Variants in THSD7B observed in about 807,000 individuals in gnomAD.
THSD7B encodes the protein thrombospondin type 1 domain containing 7B, also known as thrombospondin type-1 domain-containing protein 7B.
In THSD7B, 138 loss-of-function variants were observed where a neutral mutation model predicts 213.6. The ratio of observed to expected loss-of-function variants is 0.65; its 90% CI spans 0.56 to 0.74. The LOEUF (loss-of-function observed/expected upper bound fraction) is 0.74. Ranked by LOEUF, THSD7B falls within the 30% of genes least tolerant of loss-of-function variation. The pLI is 0.00. For synonymous variants in THSD7B, 742 were observed against 687.0 expected (o/e 1.08, Z -1.25); for missense variants, 1,931 against 1,991.5 (o/e 0.97, Z 0.58).
chr2:136,962,403 C>CTTTTTTTTTT (rs71400559), intron 2 of THSD7B, among the ~76,000 whole-genome samples: 10 of 100,158 alleles, frequency 1.0e-4, no homozygotes, highest in Non-Finnish European at 1.5e-4. Flanking sequence ...AATCTGTTAT[C>CTTTTTTTTTT]TTTTTTTTTT....
At chr2:137,553,197 G>T (rs1240607533) in intron 15 of THSD7B, among the ~76,000 whole-genome samples, 3 of 152,132 alleles carry the variant, frequency 2.0e-5, no homozygotes, top group Non-Finnish European at 4.4e-5. Context: ...CAGCATGGAG[G>T]TCTCAAGCTT....
intron 15 of THSD7B, among the ~76,000 whole-genome samples, chr2:137,498,368 TCATGATTTAGA>T (rs1679621908): frequency 6.6e-6 from 1 of 151,676 alleles, no homozygotes; most frequent in Admixed American, 6.6e-5. Context: ...AAGTATATTA[TCATGATTTAGA>T]CAATTGAATT....
chr2:136,909,671 T>C lies in THSD7B; in HGVS notation c.139+27354T>C, dbSNP rs558463533. The stretch of plus-strand genomic sequence containing the variant: ...GTATCTAAAATGTAGTCCAAAACCA[T>C]ATTGGAAATAAGGGGAAAAGTGAAT... On this transcript the variant is annotated intron_variant, in intron 2 of 27. Coordinates refer to ENST00000409968, the MANE Select transcript of THSD7B (RefSeq NM_001316349.2). Among the ~76,000 whole-genome samples the C allele has an allele frequency of 2.0e-5, 3 of 152,264 alleles. No homozygotes were observed. The South Asian group carries it at 6.2e-4, about 32-fold the overall frequency.
rs184720738 is a variant in THSD7B, at chr2:137,169,181, A to C, written c.1526-1560A>C. On this transcript the variant is annotated intron_variant, in intron 6 of 27. Coordinates refer to ENST00000409968, the MANE Select transcript of THSD7B (RefSeq NM_001316349.2). ...GGTTATCTTAGGAAAAAAAAAAAAA[A>C]AACTCAAAGCACTTAAAAATCCTTA... Among the ~76,000 whole-genome samples, 414 of 151,840 alleles carry C rather than the reference A, an allele frequency of 2.7e-3. 10 individuals are homozygous for C. Among genetic ancestry groups the C allele is most frequent in the Admixed American group, 0.022 (337 of 15,250 alleles).
chr2:137,585,280 C>A (rs1346888504), intron 17 of THSD7B, among the ~76,000 whole-genome samples: 2 of 151,472 alleles, frequency 1.3e-5, no homozygotes, highest in Non-Finnish European at 2.9e-5. Context: ...TTGATCTTTT[C>A]AAAAAAACCA....
intron 11 of THSD7B, among the ~76,000 whole-genome samples, chr2:137,273,532 G>A (rs956228175): frequency 6.6e-6 from 1 of 152,014 alleles, no homozygotes; most frequent in Non-Finnish European, 1.5e-5. Context: ...AATGCCTTTA[G>A]CAAAAATGTC....
At chr2:137,523,616 C>A (rs928473701) in intron 15 of THSD7B, among the ~76,000 whole-genome samples, 3 of 152,098 alleles carry the variant, frequency 2.0e-5, no homozygotes, top group African/African-American at 7.2e-5. Flanking sequence ...TGCCCAATAG[C>A]CATTCTTTTT....
At chr2:137,128,450 C>G (rs940355827) in intron 5 of THSD7B, among the ~76,000 whole-genome samples, 1 of 152,122 alleles carries the variant, frequency 6.6e-6, no homozygotes, top group Admixed American at 6.5e-5. Context: ...ATATTACTTT[C>G]TGGGTTCCTC....
rs376719247 is a variant in THSD7B, at chr2:137,006,970, G to A, written c.140-49450G>A. Reference sequence around the variant, plus strand: ...AAAGAGAATTTTTAATGATAAAAGTGTGCATTTTACTGAAATCAGTATTGC... The same window carrying A: ...AAAGAGAATTTTTAATGATAAAAGTATGCATTTTACTGAAATCAGTATTGC... On this transcript the variant is annotated intron_variant, in intron 2 of 27. Transcript: ENST00000409968. 2.6e-5 allele frequency among the ~76,000 whole-genome samples: 4 copies of A among 152,272 alleles called. No homozygotes were observed. In the East Asian group the frequency reaches 7.7e-4, roughly 29 times the overall value.
chr2:136,768,472 A>C (rs893121157), intron 1 of THSD7B, among the ~76,000 whole-genome samples: 1 of 152,234 alleles, frequency 6.6e-6, no homozygotes, highest in Non-Finnish European at 1.5e-5. Context: ...AAGTAATAAC[A>C]TTATGTCAAA....
intron 15 of THSD7B, among the ~76,000 whole-genome samples, chr2:137,476,653 C>T (rs950361755): frequency 1.3e-5 from 2 of 152,122 alleles, no homozygotes; most frequent in Admixed American, 1.3e-4. Flanking sequence ...TCACTGCCAC[C>T]TCCATCTCCT....
At chr2:137,500,736 A>G (rs1181868575) in intron 15 of THSD7B, among the ~76,000 whole-genome samples, 1 of 152,192 alleles carries the variant, frequency 6.6e-6, no homozygotes, top group East Asian at 1.9e-4. Context: ...ACTCATTGCT[A>G]TATTTCATTT....
At chr2:136,896,320 A>G (rs1056006761) in intron 2 of THSD7B, among the ~76,000 whole-genome samples, 4 of 152,130 alleles carry the variant, frequency 2.6e-5, no homozygotes, top group Admixed American at 1.3e-4. Context: ...ATTTCACTAT[A>G]TCTTTGAAAG....
chr2:137,419,623 G>C (rs1364732467), intron 14 of THSD7B, among the ~76,000 whole-genome samples: 1 of 151,706 alleles, frequency 6.6e-6, no homozygotes. Flanking sequence ...CCACTCAAAG[G>C]TGGGCACAAC....
At chr2:136,979,350 T>G (rs958092197) in intron 2 of THSD7B, among the ~76,000 whole-genome samples, 19 of 152,200 alleles carry the variant, frequency 1.2e-4, no homozygotes, top group Admixed American at 1.0e-3. Context: ...TTTGCTAGGT[T>G]TGGGAAGTGC....
chr2:137,288,728 A>G (rs1374663433), intron 12 of THSD7B, among the ~76,000 whole-genome samples: 1 of 152,084 alleles, frequency 6.6e-6, no homozygotes, highest in South Asian at 2.1e-4. Context: ...AAAAATGCAC[A>G]CACAGCACAC....
chr2:137,008,736 G>A (rs1173919287), intron 2 of THSD7B, among the ~76,000 whole-genome samples: 1 of 152,112 alleles, frequency 6.6e-6, no homozygotes, highest in Non-Finnish European at 1.5e-5. Context: ...TTACATAAAT[G>A]TGCAGAGTAT....
intron 15 of THSD7B, among the ~76,000 whole-genome samples, chr2:137,467,441 A>T (rs957798282): frequency 2.0e-5 from 3 of 152,130 alleles, no homozygotes; most frequent in Non-Finnish European, 4.4e-5. Flanking sequence ...ATAGCCTGCA[A>T]TTCTAACAGC....
At chr2:136,788,139 G>C (rs1314484151) in intron 1 of THSD7B, among the ~76,000 whole-genome samples, 1 of 152,184 alleles carries the variant, frequency 6.6e-6, no homozygotes, top group African/African-American at 2.4e-5. Flanking sequence ...TGACTTGAAG[G>C]CATCTGGATT....
Sources: allele counts gnomAD v4.1 joint callset (sites outside exome capture counted in the v4.1 genomes callset), GRCh38; gene constraint gnomAD v4.1.1; transcripts MANE v1.5; gene names NCBI Gene and HGNC (gene_info 2026-07-23, HGNC 2026-07-21).